CTNNA3: variants seen among roughly 807,000 people sequenced by gnomAD.
CTNNA3 encodes the protein catenin alpha-3.
CTNNA3 carries 76 observed loss-of-function variants against 95.7 expected under a neutral mutation model. That is an observed-to-expected ratio of 0.79 (90% CI 0.66 to 0.96). The LOEUF (loss-of-function observed/expected upper bound fraction) is 0.96. CTNNA3 is among the 40% of genes least tolerant of loss of function. CTNNA3 has a pLI of 0.00. For synonymous variants in CTNNA3, 431 were observed against 374.4 expected (o/e 1.15, Z -1.74); for missense variants, 1,191 against 1,089.8 (o/e 1.09, Z -1.31).
intron 11 of CTNNA3, among the ~76,000 whole-genome samples, chr10:66,421,830 G>A (rs2093195948): frequency 1.1e-5 from 1 of 92,188 alleles, no homozygotes; most frequent in African/African-American, 4.8e-5. Flanking sequence ...GCAAGACTCT[G>A]TCTCAAAAAA....
chr10:66,561,961 G>A (rs564489453), intron 10 of CTNNA3, among the ~76,000 whole-genome samples: 6 of 152,006 alleles, frequency 3.9e-5, no homozygotes, highest in South Asian at 2.1e-4. Flanking sequence ...ATAAGGGATC[G>A]AGTACCACAT....
intron 9 of CTNNA3, among the ~76,000 whole-genome samples, chr10:66,743,985 A>AAG (rs1554844563): frequency 7.7e-6 from 1 of 129,236 alleles, no homozygotes; most frequent in African/African-American, 2.6e-5. Context: ...AAAAAAAAAA[A>AAG]AAAAAAAAAA....
chr10:66,848,974 T>A (rs559724289), intron 7 of CTNNA3, among the ~76,000 whole-genome samples: 1 of 152,282 alleles, frequency 6.6e-6, no homozygotes, highest in Admixed American at 6.5e-5. Flanking sequence ...GCCAGAAAAT[T>A]GAGGAAAGAA....
intron 3 of CTNNA3, among the ~76,000 whole-genome samples, chr10:67,590,703 C>T (rs558077060): frequency 1.2e-4 from 18 of 151,926 alleles, no homozygotes; most frequent in East Asian, 5.8e-4. Context: ...AAATTCTTTT[C>T]GGGCCATTTT....
At chr10:67,194,497 A>C (rs77356905) in intron 6 of CTNNA3, among the ~76,000 whole-genome samples, 2,585 of 152,150 alleles carry the variant, frequency 0.017, 69 homozygotes, top group African/African-American at 0.052. Context: ...ACTACAGTAT[A>C]TGACATTCTG....
intron 10 of CTNNA3, among the ~76,000 whole-genome samples, chr10:66,571,475 A>C (rs1385500090): frequency 6.6e-6 from 1 of 152,204 alleles, no homozygotes; most frequent in African/African-American, 2.4e-5. Context: ...AAATTGGCTT[A>C]GAAGAGTTAA....
At chr10:66,737,837 T>G (rs1298832143) in intron 9 of CTNNA3, among the ~76,000 whole-genome samples, 1 of 152,096 alleles carries the variant, frequency 6.6e-6, no homozygotes, top group Non-Finnish European at 1.5e-5. Flanking sequence ...TTTTGTATTT[T>G]TAGTAGACAT....
rs145188879 is a variant in CTNNA3 at position 66,967,103 on chromosome 10, C to T, written c.1048-191579G>A. Among the ~76,000 whole-genome samples the T allele has an allele frequency of 3.0e-3, 455 of 152,078 alleles. 4 individuals are homozygous for T. Among genetic ancestry groups the T allele is most frequent in the African/African-American group, 4.8e-3 (200 of 41,496 alleles). The stretch of plus-strand genomic sequence containing the variant: ...GTGATTATTAACACTCCATTAGGAA[C>T]GTTGATGGTTCTGCTAATGAAACAA... On this transcript the variant is annotated intron_variant, in intron 7 of 17. Transcript: ENST00000433211.
At chr10:67,200,778 AACTGTAATGTGAACAC>A (rs1863609554) in intron 6 of CTNNA3, among the ~76,000 whole-genome samples, 1 of 152,238 alleles carries the variant, frequency 6.6e-6, no homozygotes, top group Admixed American at 6.5e-5. Context: ...TCACAAAAAC[AACTGTAATGTGAACAC>A]CATACACATT....
At chr10:66,981,777 A>G (rs1394893308) in intron 7 of CTNNA3, among the ~76,000 whole-genome samples, 3 of 152,234 alleles carry the variant, frequency 2.0e-5, no homozygotes, top group Non-Finnish European at 2.9e-5. Flanking sequence ...CAGTACCTGT[A>G]TGGAGAAACT....
intron 10 of CTNNA3, among the ~76,000 whole-genome samples, chr10:66,588,792 A>C (rs1469061091): frequency 2.0e-5 from 3 of 152,108 alleles, no homozygotes; most frequent in African/African-American, 7.2e-5. Context: ...TGGGTAATCT[A>C]AGGTACAAAG....
At chr10:67,659,239 A>G (rs1449275102) in intron 1 of CTNNA3, among the ~76,000 whole-genome samples, 1 of 152,228 alleles carries the variant, frequency 6.6e-6, no homozygotes, top group African/African-American at 2.4e-5. Context: ...TCCCTCTTAA[A>G]AAAAGCAAAA....
intron 1 of CTNNA3, among the ~76,000 whole-genome samples, chr10:67,727,643 TTATTA>T (rs1194898218): frequency 2.4e-4 from 31 of 128,214 alleles, no homozygotes; most frequent in African/African-American, 7.0e-4. Context: ...ATATTATATA[TTATTA>T]TATTATATAT....
At chr10:66,579,151 T>C (rs963711428) in intron 10 of CTNNA3, among the ~76,000 whole-genome samples, 1 of 151,824 alleles carries the variant, frequency 6.6e-6, no homozygotes, top group African/African-American at 2.4e-5. Context: ...CTCTGAGGAT[T>C]TTTTGTATTT....
intron 9 of CTNNA3, among the ~76,000 whole-genome samples, chr10:66,686,084 A>C (rs10740252): frequency 1.3e-5 from 2 of 151,514 alleles, no homozygotes; most frequent in Non-Finnish European, 2.9e-5. Flanking sequence ...GCTTACGCCA[A>C]TACAGGAATT....
chr10:67,614,000 G>C (rs1843560306), intron 2 of CTNNA3, among the ~76,000 whole-genome samples: 1 of 152,018 alleles, frequency 6.6e-6, no homozygotes, highest in Admixed American at 6.6e-5. Context: ...AGAGTGAGCA[G>C]TAGCAAGATT....
chr10:66,867,141 C>A (rs147285658), intron 7 of CTNNA3, among the ~76,000 whole-genome samples: 2,517 of 150,472 alleles, frequency 0.017, 34 homozygotes, highest in Non-Finnish European at 0.024. Flanking sequence ...TATAAATTAC[C>A]CAGTCTCAGG....
At chr10:66,685,345 ATATATATTTT>A (rs1847247856) in intron 9 of CTNNA3, among the ~76,000 whole-genome samples, 8 of 55,736 alleles carry the variant, frequency 1.4e-4, no homozygotes, top group African/African-American at 3.8e-4. Context: ...ATATATATAT[ATATATATTTT>A]TTTTTTTTTT....
chr10:67,388,927 G>C (rs1844321491), intron 5 of CTNNA3, among the ~76,000 whole-genome samples: 1 of 152,078 alleles, frequency 6.6e-6, no homozygotes, highest in Admixed American at 6.6e-5. Flanking sequence ...ACATGGAAAG[G>C]AACAACCAGT....
Sources: allele counts gnomAD v4.1 joint callset (sites outside exome capture counted in the v4.1 genomes callset), GRCh38; gene constraint gnomAD v4.1.1; transcripts MANE v1.5; gene names NCBI Gene and HGNC (gene_info 2026-07-23, HGNC 2026-07-21).